CENPU: variants seen among roughly 807,000 people sequenced by gnomAD.
CENPU encodes the protein centromere protein U.
CENPU carries 46 observed loss-of-function variants against 56.7 expected under a neutral mutation model. That is an observed-to-expected ratio of 0.81 (90% confidence interval 0.64 to 1.04). The LOEUF is 1.04. CENPU is among the 50% of genes least tolerant of loss of function. CENPU has a pLI of 0.00. For missense variants in CENPU, 510 were observed against 490.1 expected, an observed-to-expected ratio of 1.04 and a Z score of -0.38; for synonymous variants, 166 against 163.0, an observed-to-expected ratio of 1.02 and a Z score of -0.14.
At chr4:184,723,625 C>T (rs1303673353) in intron 4 of CENPU, among the ~76,000 whole-genome samples, 2 of 151,888 alleles carry the variant, frequency 1.3e-5, no homozygotes, top group African/African-American at 4.8e-5. Context: ...GGGCGGATCA[C>T]GAGCTCAAGA....
chr4:184,697,673 C>A lies in CENPU; in HGVS notation c.1117G>T (p.Ala373Ser). The A allele has an allele frequency of 6.2e-7, 1 of 1,613,090 alleles. No individual in the cohort carries two copies. The highest frequency in any genetic ancestry group is 1.7e-5 in the Admixed American group (1 of 59,714). Residue 373 changes from alanine to serine, a missense_variant, in exon 12 of 13, where the codon GCT becomes TCT. Coordinates refer to ENST00000281453, the MANE Select transcript of CENPU (RefSeq NM_024629.4). ...QLYQDYSDVQ[A>S]QEPNVKETYD... ...GTTTCCTTTACGTTTGGTTCTTGAG[C>A]TTGAACATCTGAATAATCTTGATAA...
chr4:184,717,116 G>C lies in CENPU; in HGVS notation c.381+20C>G. ...AACTATATTACAAATTAAAGTAGAA[G>C]AGTGAATACTCCTACATACCTTTTT... is the stretch of plus-strand genomic sequence containing the variant. On this transcript the variant is annotated intron_variant, in intron 5 of 12. Transcript: ENST00000281453. The C allele has an allele frequency of 6.5e-7, 1 of 1,537,488 alleles. No individual in the cohort carries two copies. Among genetic ancestry groups the C allele is most frequent in the South Asian group, 1.1e-5 (1 of 88,536 alleles).
At chr4:184,712,411 C>G (rs968097768) in intron 7 of CENPU, among the ~76,000 whole-genome samples, 2 of 152,178 alleles carry the variant, frequency 1.3e-5, no homozygotes, top group Non-Finnish European at 2.9e-5. Flanking sequence ...GCCACTGCCT[C>G]TGGAGATAAT....
At chr4:184,720,902 G>GA (rs1761252081) in intron 4 of CENPU, among the ~76,000 whole-genome samples, 1 of 152,092 alleles carries the variant, frequency 6.6e-6, no homozygotes, top group Admixed American at 6.5e-5. Flanking sequence ...CAAGCAGAAA[G>GA]AAAAGGACAT....
chr4:184,706,669 G>C (rs1760739399), intron 8 of CENPU, among the ~76,000 whole-genome samples: 1 of 152,218 alleles, frequency 6.6e-6, no homozygotes, highest in South Asian at 2.1e-4. Context: ...CCCTTAAACA[G>C]TTGTTGACTT....
chr4:184,702,379 T>A lies in CENPU; in HGVS notation c.860A>T (p.Glu287Val). ...AIATFYVNVK[E>V]QFIKMLKESQ... ...TGAGCTTACCATTTTGATGAATTGTTCTTTAACATTAACATAAAATGTGGC... is the reference window on the plus strand; with the variant it reads ...TGAGCTTACCATTTTGATGAATTGTACTTTAACATTAACATAAAATGTGGC... Residue 287 changes from glutamate to valine, a missense_variant, in exon 9 of 13, where the codon GAA becomes GTA. Glu to Val is a moderately radical substitution (Grantham distance 121). Coordinates refer to ENST00000281453, the MANE Select transcript of CENPU (RefSeq NM_024629.4). The A allele has an allele frequency of 1.9e-6, 3 of 1,612,488 alleles. No homozygotes were observed. Among genetic ancestry groups the A allele is most frequent in the Non-Finnish European group, 2.5e-6 (3 of 1,179,536 alleles).
At chr4:184,695,705 T>C (rs6810635) in intron 12 of CENPU, among the ~76,000 whole-genome samples, 26,406 of 152,084 alleles carry the variant, frequency 0.17, 2,534 homozygotes, top group African/African-American at 0.25. Flanking sequence ...ATCTGGGACA[T>C]GTCAAGGCTT....
At chr4:184,725,601 G>A (rs144483306) in intron 3 of CENPU, among the ~76,000 whole-genome samples, 195 of 152,302 alleles carry the variant, frequency 1.3e-3, no homozygotes, top group African/African-American at 4.5e-3. Flanking sequence ...CATACACTCT[G>A]CATGAGAGAC....
chr4:184,699,695 C>CTT (rs1303049114), intron 11 of CENPU: 2 of 1,082,178 alleles, frequency 1.8e-6, no homozygotes, highest in African/African-American at 3.3e-5. Flanking sequence ...CAGTTTCACT[C>CTT]TGTCACCCAG....
rs553428699 is a variant in CENPU at position 184,699,262 on chromosome 4, G to A, written c.987-1459C>T. On this transcript the variant is annotated intron_variant, in intron 11 of 12. Transcript: ENST00000281453. ...GGAGAATAGCGCGAACCCGGGAGGC[G>A]GAGCTTGCAGTGAGCCAAGATAGCG... Among the ~76,000 whole-genome samples, 22 of 152,216 alleles carry A rather than the reference G, an allele frequency of 1.4e-4. No homozygotes were observed. In the South Asian group the frequency reaches 2.5e-3, roughly 17 times the overall value.
At chr4:184,701,551 T>C (rs1760535230) in intron 10 of CENPU, among the ~76,000 whole-genome samples, 1 of 152,138 alleles carries the variant, frequency 6.6e-6, no homozygotes, top group Non-Finnish European at 1.5e-5. Context: ...GAGACTCTCA[T>C]GCTGGCTGGC....
chr4:184,720,685 A>T (rs1448655571), intron 4 of CENPU, among the ~76,000 whole-genome samples: 3 of 152,238 alleles, frequency 2.0e-5, no homozygotes, highest in Admixed American at 1.3e-4. Context: ...GTCTGGCAGC[A>T]GACTTTTCAG....
chr4:184,733,913 A>C (rs918179165), intron 1 of CENPU, 103 bp downstream of exon 1: 3 of 1,503,358 alleles, frequency 2.0e-6, no homozygotes, highest in Non-Finnish European at 2.8e-6. Context: ...GGCGACCTCC[A>C]CAGTGGAGCA....
chr4:184,733,541 A>C (rs1761732351), intron 1 of CENPU: 1 of 384,176 alleles, frequency 2.6e-6, no homozygotes. Context: ...GAGAACCGCA[A>C]GCGGCAGCTC....
chr4:184,699,653 C>T (rs946915204), intron 11 of CENPU: 1 of 1,257,742 alleles, frequency 8.0e-7, no homozygotes, highest in African/African-American at 1.6e-5. Flanking sequence ...CACTTAAACT[C>T]CTGTGGCAGT....
intron 4 of CENPU, among the ~76,000 whole-genome samples, chr4:184,718,115 T>G (rs1355345147): frequency 1.3e-5 from 2 of 152,250 alleles, no homozygotes; most frequent in East Asian, 3.8e-4. Flanking sequence ...CAGCACCTTC[T>G]GCACCCACTG....
At chr4:184,719,808 C>A (rs1331120680) in intron 4 of CENPU, among the ~76,000 whole-genome samples, 1 of 152,152 alleles carries the variant, frequency 6.6e-6, no homozygotes, top group African/African-American at 2.4e-5. Flanking sequence ...CGAGCTCAGC[C>A]ACAGTAGCAT....
In CENPU at chr4:184,718,593, A is replaced by T. The variant is rs1249829078; in HGVS notation, c.321-1397T>A. ...CTGGCATAAGGGACAAGGAGGCCAG[A>T]CAGGAAACTACCGCAGGAACGCTGG... On this transcript the variant is annotated intron_variant, in intron 4 of 12. Coordinates refer to ENST00000281453, the MANE Select transcript of CENPU (RefSeq NM_024629.4). Among the ~76,000 whole-genome samples the T allele has an allele frequency of 2.0e-5, 3 of 152,254 alleles. No homozygotes were observed. The East Asian group carries it at 5.8e-4, about 29-fold the overall frequency.
intron 4 of CENPU, among the ~76,000 whole-genome samples, chr4:184,722,276 C>T (rs1158359093): frequency 3.9e-5 from 6 of 151,960 alleles, no homozygotes; most frequent in Non-Finnish European, 7.4e-5. Flanking sequence ...TAAGCGCCTA[C>T]ATCAAAAAAA....
Sources: allele counts gnomAD v4.1 joint callset (sites outside exome capture counted in the v4.1 genomes callset), GRCh38; gene constraint gnomAD v4.1.1; transcripts MANE v1.5; gene names NCBI Gene and HGNC (gene_info 2026-07-23, HGNC 2026-07-21).